The following MMP17 variants were observed in gnomAD, a reference collection of about 807,000 sequenced individuals.
MMP17 encodes matrix metalloproteinase-17.
MMP17 carries 54 observed loss-of-function variants against 49.1 expected under a neutral mutation model. The observed-to-expected ratio is 1.10, with a 90% CI of 0.88 to 1.38. The LOEUF is 1.38. MMP17 is among the 40% of genes most tolerant of loss of function. MMP17 has a pLI of 0.00. For missense variants in MMP17, 837 were observed against 853.7 expected, an observed-to-expected ratio of 0.98 and a Z score of 0.24; for synonymous variants, 397 against 383.1, an observed-to-expected ratio of 1.04 and a Z score of -0.42.
At chr12:131,829,328 C>T (rs1397240945) in intron 1 of MMP17, among the ~76,000 whole-genome samples, 11 of 152,230 alleles carry the variant, frequency 7.2e-5, no homozygotes, top group Non-Finnish European at 1.5e-4. Flanking sequence ...CTGTCCCCAG[C>T]TCAGCTTAGA....
intron 1 of MMP17, among the ~76,000 whole-genome samples, chr12:131,835,956 G>T (rs1216449646): frequency 6.6e-6 from 1 of 152,210 alleles, no homozygotes; most frequent in Non-Finnish European, 1.5e-5. Flanking sequence ...GATGCTCGGG[G>T]CCAAAGATCC....
At position 131,851,222 on chromosome 12, in the gene MMP17, C is replaced by T. The variant is rs1391920799; in HGVS notation, c.1760C>T (p.Pro587Leu). 1.0e-5 allele frequency: 15 copies of T among 1,452,156 alleles called. No homozygotes were observed. The highest frequency in any genetic ancestry group is 2.7e-5 in the Admixed American group (1 of 36,396). 90.0% of individuals were successfully genotyped at this position (1,452,156 alleles called of 1,614,324 possible). A position where few individuals can be genotyped will look rare whatever the true frequency, so the allele number is the denominator to read the frequency against. ...LVAATMLLLL[P>L]PLSPGALWTA... ...GCTGCCACCATGCTGCTGCTGCTGC[C>T]GCCACTGTCACCAGGCGCCCTGTGG... The change falls in exon 10 of 10, where the codon CCG becomes CTG. Residue 587 changes from proline (P) to leucine (L), a missense_variant. Physicochemically the swap from Pro to Leu is moderately conservative, Grantham distance 98 (BLOSUM62 -3). Coordinates refer to ENST00000360564, the MANE Select transcript of MMP17 (RefSeq NM_016155.7).
At position 131,845,349 on chromosome 12, in the gene MMP17, G is replaced by T. The variant is rs140855643; in HGVS notation, c.1104G>T (p.Pro368=). The change falls in exon 8 of 10, where the codon CCG becomes CCT. Residue 368 remains proline (P), a synonymous_variant. Transcript: ENST00000360564. The stretch of plus-strand genomic sequence containing the variant: ...ACCGGCACCTGGTGTCCCTGCAGCC[G>T]GCACAGATGCACCGCTTCTGGCGGG... ...TRDRHLVSLQ[P]AQMHRFWRGL... is the part of the protein sequence containing the mutation. The T allele has an allele frequency of 4.3e-5, 69 of 1,602,714 alleles. No homozygotes were observed. The East Asian group carries it at 1.5e-3, about 34-fold the overall frequency.
intron 6 of MMP17, 172 bp from the exon 7 acceptor site, chr12:131,844,942 AGCGG>A: frequency 6.3e-6 from 3 of 477,154 alleles, no homozygotes; most frequent in Non-Finnish European, 1.1e-5. Context: ...CGCCCGCTGA[AGCGG>A]TGGACAGGCA....
rs771326501 is a variant in MMP17 at position 131,838,714 on chromosome 12, A to G, written c.395A>G (p.Lys132Arg). Reference sequence around the variant, plus strand: ...AGACGCCAGGCTCCAGCCCCCACCAAGTGGAACAAGAGGAACCTGTCGTGG... The same window carrying G: ...AGACGCCAGGCTCCAGCCCCCACCAGGTGGAACAAGAGGAACCTGTCGTGG... ...RRRRQAPAPT[K>R]WNKRNLSWRV... Residue 132 changes from lysine to arginine, a missense_variant, in exon 3 of 10, where the codon AAG (lysine) becomes AGG (arginine). Transcript: ENST00000360564. The G allele has an allele frequency of 2.5e-6, 4 of 1,594,520 alleles. No individual in the cohort carries two copies. Among genetic ancestry groups the G allele is most frequent in the Non-Finnish European group, 3.4e-6 (4 of 1,171,734 alleles).
chr12:131,844,895 T>C, intron 6 of MMP17: 1 of 557,390 alleles, frequency 1.8e-6, no homozygotes, highest in East Asian at 3.0e-5. Context: ...CGCAGCTCCC[T>C]GGCGCTCTGT....
At chr12:131,838,830 G>T in intron 3 of MMP17, 89 bp downstream of exon 3, 1 of 1,454,330 alleles carries the variant, frequency 6.9e-7, no homozygotes, top group Non-Finnish European at 9.2e-7. Flanking sequence ...GGAGGTGGGC[G>T]CGTGGCCAGG....
At chr12:131,839,374 G>A (rs1179720204) in intron 3 of MMP17, among the ~76,000 whole-genome samples, 4 of 151,588 alleles carry the variant, frequency 2.6e-5, no homozygotes, top group Non-Finnish European at 2.9e-5. Flanking sequence ...GTGCAGTGGC[G>A]CAGTCACAGC....
At chr12:131,849,289 G>T (rs1345718965) in intron 8 of MMP17, among the ~76,000 whole-genome samples, 2 of 152,278 alleles carry the variant, frequency 1.3e-5, no homozygotes, top group East Asian at 1.9e-4. Flanking sequence ...TTCGAGACCA[G>T]CCTGGCCAAC....
intron 3 of MMP17, among the ~76,000 whole-genome samples, 165 bp downstream of exon 3, chr12:131,838,906 G>A (rs1887236339): frequency 2.0e-5 from 3 of 150,662 alleles, no homozygotes; most frequent in African/African-American, 4.9e-5. Flanking sequence ...CTCCGTGGAG[G>A]TGGGCGCGTG....
Position 131,841,773 on chromosome 12 carries a change from G to A in MMP17, c.856G>A (p.Asp286Asn), listed in dbSNP as rs1169841242. Reference protein sequence around the residue: ...DPLRYGLPYEDKVRVWQLYGV... With the variant: ...DPLRYGLPYENKVRVWQLYGV... ...GCTGCGCTACGGGCTCCCCTACGAG[G>A]ACAAGGTGCGCGTCTGGCAGCTGTA... The change falls in exon 5 of 10, where the codon GAC becomes AAC. Residue 286 changes from aspartate (D) to asparagine (N), a missense_variant. Physicochemically the swap from Asp to Asn is conservative, Grantham distance 23 (BLOSUM62 1). Transcript: ENST00000360564. 3 of 1,608,374 alleles carry A rather than the reference G, an allele frequency of 1.9e-6. No homozygotes were observed. The highest frequency in any genetic ancestry group is 1.7e-6 in the Non-Finnish European group (2 of 1,178,218).
rs149649395 is a variant in MMP17, at chr12:131,849,578, G to A, written c.1205-224G>A. On this transcript the variant is annotated intron_variant, in intron 8 of 9. Coordinates refer to ENST00000360564, the MANE Select transcript of MMP17 (RefSeq NM_016155.7). The stretch of plus-strand genomic sequence containing the variant: ...CATCGGTAAAGGGGTGGCCGGCAGC[G>A]TCCACAGGCTGGATGGGATGGCCCG... 6.3e-3 allele frequency among the ~76,000 whole-genome samples: 957 copies of A among 152,324 alleles called. 6 individuals carry two copies. Among genetic ancestry groups the A allele is most frequent in the Admixed American group, 0.018 (276 of 15,304 alleles).
intron 9 of MMP17, 30 bp downstream of exon 9, chr12:131,850,089 C>T (rs760678952): frequency 1.9e-5 from 30 of 1,574,650 alleles, no homozygotes; most frequent in African/African-American, 2.7e-5. Context: ...ACGGGCCATG[C>T]GGCCTTGGTT....
intron 9 of MMP17, among the ~76,000 whole-genome samples, chr12:131,850,384 G>A (rs1440835696): frequency 6.6e-6 from 1 of 152,150 alleles, no homozygotes; most frequent in Non-Finnish European, 1.5e-5. Flanking sequence ...TGTCCACACA[G>A]CCCCTCCCTC....
chr12:131,838,124 C>A, intron 1 of MMP17, 71 bp from the exon 2 acceptor site: 1 of 1,506,272 alleles, frequency 6.6e-7, no homozygotes, highest in South Asian at 1.3e-5. Context: ...CAGTGGTGGC[C>A]CGTGGCAGGC....
chr12:131,849,213 GT>G (rs1367801455), intron 8 of MMP17, among the ~76,000 whole-genome samples: 1 of 152,206 alleles, frequency 6.6e-6, no homozygotes, highest in African/African-American at 2.4e-5. Flanking sequence ...GCAGGGCACG[GT>G]GGCTCACACC....
chr12:131,835,887 G>A (rs543724878), intron 1 of MMP17, among the ~76,000 whole-genome samples: 11 of 152,322 alleles, frequency 7.2e-5, no homozygotes, highest in Middle Eastern at 3.4e-3. Flanking sequence ...CACCTACAGC[G>A]GTGACTGATC....
chr12:131,843,893 C>A, intron 5 of MMP17, 104 bp from the exon 6 acceptor site: 1 of 796,136 alleles, frequency 1.3e-6, no homozygotes, highest in Non-Finnish European at 1.9e-6. Context: ...AGCCTGTCTG[C>A]TGAGTGGCCT....
At chr12:131,842,496 G>A (rs1483761841) in intron 5 of MMP17, among the ~76,000 whole-genome samples, 9 of 152,072 alleles carry the variant, frequency 5.9e-5, no homozygotes, top group Admixed American at 2.6e-4. Context: ...TTTTTTGGCC[G>A]GATGCAGTGG....
Sources: allele counts gnomAD v4.1 joint callset (sites outside exome capture counted in the v4.1 genomes callset), GRCh38; gene constraint gnomAD v4.1.1; transcripts MANE v1.5; gene names NCBI Gene and HGNC (gene_info 2026-07-23, HGNC 2026-07-21).